The following ARPP21 variants were observed in gnomAD, a reference collection of about 807,000 sequenced individuals.
The protein encoded by ARPP21 is cAMP-regulated phosphoprotein 21.
ARPP21 carries 69 observed loss-of-function variants against 113.2 expected under a neutral mutation model. That is an observed-to-expected ratio of 0.61 (90% CI 0.50 to 0.74). The LOEUF (loss-of-function observed/expected upper bound fraction) is 0.74. ARPP21 is among the 30% of genes least tolerant of loss of function. ARPP21 has a pLI of 0.00. For missense variants in ARPP21, 1,070 were observed against 1,037.4 expected, an observed-to-expected ratio of 1.03 and a Z score of -0.43; for synonymous variants, 368 against 375.5, an observed-to-expected ratio of 0.98 and a Z score of 0.23.
At chr3:35,671,643 G>C (rs1189890715) in intron 1 of ARPP21, among the ~76,000 whole-genome samples, 1 of 152,054 alleles carries the variant, frequency 6.6e-6, no homozygotes, top group Non-Finnish European at 1.5e-5. Context: ...TTTGTAGTAG[G>C]AACACCGTTG....
intron 10 of ARPP21, chr3:35,707,354 G>A: frequency 1.6e-6 from 1 of 607,754 alleles, no homozygotes; most frequent in Non-Finnish European, 3.1e-6. Context: ...TGTCTGGGAG[G>A]GTCGGGATGC....
intron 19 of ARPP21, among the ~76,000 whole-genome samples, chr3:35,760,382 T>A (rs968351067): frequency 6.6e-6 from 1 of 152,072 alleles, no homozygotes; most frequent in African/African-American, 2.4e-5. Flanking sequence ...ACTTGTACGA[T>A]GACAACTGCC....
intron 19 of ARPP21, chr3:35,744,700 G>A: frequency 3.4e-6 from 1 of 291,804 alleles, no homozygotes; most frequent in South Asian, 2.8e-5. Flanking sequence ...AAGACTGCCT[G>A]ACGGGGAGAC....
chr3:35,782,118 T>A (rs933824411), intron 19 of ARPP21, among the ~76,000 whole-genome samples: 3 of 152,232 alleles, frequency 2.0e-5, no homozygotes, highest in Non-Finnish European at 4.4e-5. Context: ...ATTTTGTACG[T>A]ACATATGCTC....
chr3:35,668,432 G>A (rs1412231303), intron 1 of ARPP21, among the ~76,000 whole-genome samples: 1 of 151,990 alleles, frequency 6.6e-6, no homozygotes, highest in Non-Finnish European at 1.5e-5. Context: ...TCTCTGAAGT[G>A]TAGAGCAATC....
intron 1 of ARPP21, among the ~76,000 whole-genome samples, chr3:35,644,040 G>T (rs1323801678): frequency 6.6e-6 from 1 of 151,866 alleles, no homozygotes; most frequent in Non-Finnish European, 1.5e-5. Flanking sequence ...CTACATTTCT[G>T]TGGACTTGTA....
intron 9 of ARPP21, among the ~76,000 whole-genome samples, chr3:35,694,548 T>G (rs988043881): frequency 6.6e-6 from 1 of 151,446 alleles, no homozygotes; most frequent in Admixed American, 6.6e-5. Flanking sequence ...AAACTGAGTT[T>G]TAGTTTGGGG....
chr3:35,765,195 C>G (rs2095920448), intron 19 of ARPP21, among the ~76,000 whole-genome samples: 1 of 151,968 alleles, frequency 6.6e-6, no homozygotes, highest in Non-Finnish European at 1.5e-5. Flanking sequence ...TTGTTGTTAC[C>G]TTAAATATCC....
intron 1 of ARPP21, chr3:35,651,858 GC>G (rs1702519498): frequency 6.6e-6 from 1 of 152,020 alleles, no homozygotes. Context: ...TCATGATGTG[GC>G]AGTTATCTTG....
At chr3:35,738,706 C>T (rs556563935) in intron 17 of ARPP21, among the ~76,000 whole-genome samples, 48 of 152,288 alleles carry the variant, frequency 3.2e-4, no homozygotes, top group South Asian at 1.0e-3. Flanking sequence ...TAGGTGCCCC[C>T]GCAATTCCAA....
intron 15 of ARPP21, among the ~76,000 whole-genome samples, chr3:35,732,200 T>G (rs2094027419): frequency 6.6e-6 from 1 of 152,102 alleles, no homozygotes; most frequent in African/African-American, 2.4e-5. Context: ...CTAAGGTATC[T>G]GCCAATCATG....
At chr3:35,740,563 A>G (rs1482114789) in intron 18 of ARPP21, among the ~76,000 whole-genome samples, 1 of 152,192 alleles carries the variant, frequency 6.6e-6, no homozygotes, top group Non-Finnish European at 1.5e-5. Context: ...CTTCTCTGTA[A>G]TATCTCTTCA....
chr3:35,770,180 C>T (rs969745310), intron 19 of ARPP21, among the ~76,000 whole-genome samples: 3 of 152,170 alleles, frequency 2.0e-5, no homozygotes, highest in Non-Finnish European at 1.5e-5. Flanking sequence ...ACTCTGCTTC[C>T]CTGCATAGCC....
intron 19 of ARPP21, among the ~76,000 whole-genome samples, chr3:35,789,300 TTC>T (rs1241411206): frequency 6.6e-6 from 1 of 152,200 alleles, no homozygotes; most frequent in Non-Finnish European, 1.5e-5. Flanking sequence ...GCTATTTTAT[TTC>T]TGTTTGTCTA....
intron 19 of ARPP21, among the ~76,000 whole-genome samples, chr3:35,775,216 T>C (rs1339778352): frequency 6.6e-6 from 1 of 152,188 alleles, no homozygotes; most frequent in East Asian, 1.9e-4. Context: ...CAAGCTGTTT[T>C]AAATAGTTTT....
intron 1 of ARPP21, among the ~76,000 whole-genome samples, chr3:35,674,685 C>T (rs2077067557): frequency 6.6e-6 from 1 of 151,736 alleles, no homozygotes; most frequent in Non-Finnish European, 1.5e-5. Context: ...ATTCTGATAG[C>T]TATGAAAAAT....
At chr3:35,792,580 A>C in intron 20 of ARPP21, 50 bp downstream of exon 20, 1 of 1,591,858 alleles carries the variant, frequency 6.3e-7, no homozygotes, top group East Asian at 2.2e-5. Context: ...AGAATTTGCC[A>C]AAGTGGAAGC....
Position 35,729,453 on chromosome 3 carries a change from C to G in ARPP21, c.1376C>G (p.Pro459Arg), listed in dbSNP as rs1388094803. The G allele has an allele frequency of 1.2e-6, 2 of 1,614,194 alleles. No individual in the cohort carries two copies. The highest frequency in any genetic ancestry group is 8.5e-7 in the Non-Finnish European group (1 of 1,180,048). ...PENGIGGQVAPSSTSYILLPL... is the reference protein window; with the variant it reads ...PENGIGGQVARSSTSYILLPL... ...AATGGAATAGGGGGCCAGGTTGCTC[C>G]CAGCAGCACCAGCTACATCCTCCTT... The change falls in exon 15 of 21, where the codon CCC (proline) becomes CGC (arginine). Residue 459 changes from proline (P) to arginine (R), a missense_variant. Transcript: ENST00000684406.
chr3:35,705,206 A>G (rs2088327645), intron 9 of ARPP21, among the ~76,000 whole-genome samples: 1 of 152,106 alleles, frequency 6.6e-6, no homozygotes, highest in African/African-American at 2.4e-5. Flanking sequence ...AAAAATGTGT[A>G]ACAACATATA....
Sources: gnomAD v4.1 joint callset for allele counts (sites outside exome capture counted in the v4.1 genomes callset) on GRCh38, gnomAD v4.1.1 for gene constraint, MANE v1.5 for transcripts, NCBI Gene and HGNC (gene_info 2026-07-23, HGNC 2026-07-21) for gene names.